Variants in PIK3C2G observed in about 807,000 individuals in gnomAD.
PIK3C2G encodes the protein phosphatidylinositol 3-kinase C2 domain-containing subunit gamma.
PIK3C2G carries 168 observed loss-of-function variants against 181.1 expected under a neutral mutation model. The ratio of observed to expected loss-of-function variants is 0.93; its 90% CI spans 0.82 to 1.05. The LOEUF (loss-of-function observed/expected upper bound fraction) is 1.05, where lower values mean the gene tolerates loss of function less well. Ranked by LOEUF, PIK3C2G falls within the 50% of genes least tolerant of loss-of-function variation. The pLI is 0.00. For missense variants in PIK3C2G, 1,869 were observed against 1,732.8 expected (o/e 1.08, Z -1.40); for synonymous variants, 573 against 592.2 (o/e 0.97, Z 0.47).
At chr12:18,558,396 C>T (rs532013875) in intron 26 of PIK3C2G, among the ~76,000 whole-genome samples, 7 of 152,252 alleles carry the variant, frequency 4.6e-5, no homozygotes, top group East Asian at 3.9e-4. Flanking sequence ...TTTTGGATCA[C>T]TTACTATGTA....
intron 15 of PIK3C2G, among the ~76,000 whole-genome samples, chr12:18,392,262 G>A (rs1943583456): frequency 6.6e-6 from 1 of 152,078 alleles, no homozygotes; most frequent in Non-Finnish European, 1.5e-5. Flanking sequence ...AGTCAATAGA[G>A]AGTCCAAATC....
At chr12:18,324,625 T>C (rs979791144) in intron 7 of PIK3C2G, among the ~76,000 whole-genome samples, 5 of 152,248 alleles carry the variant, frequency 3.3e-5, no homozygotes, top group Non-Finnish European at 7.3e-5. Flanking sequence ...CAACCCCATC[T>C]ATTATAAATA....
intron 19 of PIK3C2G, among the ~76,000 whole-genome samples, chr12:18,488,847 A>G (rs962555679): frequency 4.6e-5 from 7 of 152,066 alleles, no homozygotes; most frequent in Admixed American, 4.6e-4. Context: ...TAGCCATGTG[A>G]CACACAGAGA....
intron 18 of PIK3C2G, among the ~76,000 whole-genome samples, chr12:18,441,519 T>C (rs1946746247): frequency 6.6e-6 from 1 of 152,008 alleles, no homozygotes; most frequent in Non-Finnish European, 1.5e-5. Flanking sequence ...TGAGTAATGA[T>C]AGGGTGTGAT....
At chr12:18,335,385 C>G (rs779112329) in intron 8 of PIK3C2G, among the ~76,000 whole-genome samples, 9 of 152,150 alleles carry the variant, frequency 5.9e-5, no homozygotes, top group Non-Finnish European at 7.4e-5. Flanking sequence ...GAAATTCCCT[C>G]TAAATGTCTG....
At chr12:18,342,884 A>G (rs774955379) in intron 9 of PIK3C2G, among the ~76,000 whole-genome samples, 1 of 152,118 alleles carries the variant, frequency 6.6e-6, no homozygotes, top group Non-Finnish European at 1.5e-5. Context: ...AGAAGAAAAA[A>G]AGAAAGAAAA....
intron 18 of PIK3C2G, among the ~76,000 whole-genome samples, chr12:18,444,436 T>C (rs949047567): frequency 6.6e-6 from 1 of 152,194 alleles, no homozygotes; most frequent in Non-Finnish European, 1.5e-5. Flanking sequence ...TAAATACTTA[T>C]CAGTATTTTT....
the PIK3C2G span, among the ~76,000 whole-genome samples, chr12:18,702,768 T>C: frequency 1.3e-5 from 2 of 151,892 alleles, no homozygotes. Flanking sequence ...TTAACAAGTC[T>C]CTAGGCAATT....
At chr12:18,480,323 C>A (rs1048367835) in intron 18 of PIK3C2G, among the ~76,000 whole-genome samples, 2 of 152,156 alleles carry the variant, frequency 1.3e-5, no homozygotes, top group African/African-American at 4.8e-5. Flanking sequence ...AAATAACTTA[C>A]ACTAAAGCAG....
intron 26 of PIK3C2G, among the ~76,000 whole-genome samples, chr12:18,561,368 A>T (rs1945333899): frequency 6.6e-6 from 1 of 152,302 alleles, no homozygotes; most frequent in Non-Finnish European, 1.5e-5. Context: ...AACCCTAGCT[A>T]CTCAGGAAGC....
intron 30 of PIK3C2G, among the ~76,000 whole-genome samples, chr12:18,607,832 T>C (rs1948116480): frequency 6.6e-6 from 1 of 151,880 alleles, no homozygotes; most frequent in African/African-American, 2.4e-5. Context: ...GAATCTACAA[T>C]GAACTCAAAC....
intron 29 of PIK3C2G, among the ~76,000 whole-genome samples, chr12:18,567,459 G>A (rs1052392280): frequency 2.6e-5 from 4 of 152,016 alleles, no homozygotes; most frequent in Non-Finnish European, 4.4e-5. Context: ...GAATATGTAT[G>A]CCTAATTTGT....
At chr12:18,695,063 C>G in the PIK3C2G span, 5 of 1,612,888 alleles carry the variant, frequency 3.1e-6, no homozygotes, top group Non-Finnish European at 4.2e-6. Context: ...GACCAGGGGT[C>G]TGGAAATTTA....
chr12:18,650,720 A>ATC (rs1565602718), downstream of PIK3C2G, among the ~76,000 whole-genome samples: 36 of 10,586 alleles, frequency 3.4e-3, no homozygotes, highest in East Asian at 0.013. Flanking sequence ...ATCTATATAT[A>ATC]TATATATATA....
chr12:18,685,845 C>T, the PIK3C2G span, among the ~76,000 whole-genome samples: 2 of 34,604 alleles, frequency 5.8e-5, no homozygotes, highest in African/African-American at 1.1e-4. Flanking sequence ...CACACACACG[C>T]GCACACACAC....
the PIK3C2G span, among the ~76,000 whole-genome samples, chr12:18,661,441 G>A: frequency 3.4e-4 from 51 of 152,174 alleles, no homozygotes; most frequent in Middle Eastern, 3.4e-3. Context: ...AGGCCTTTTC[G>A]TAGGATTATA....
intron 16 of PIK3C2G, among the ~76,000 whole-genome samples, chr12:18,403,534 A>C (rs35013626): frequency 7.9e-4 from 121 of 152,268 alleles, no homozygotes; most frequent in African/African-American, 1.7e-3. Context: ...TGAGAGATCT[A>C]TATTTTTCCT....
chr12:18,680,662 C>G, the PIK3C2G span, among the ~76,000 whole-genome samples: 1 of 151,998 alleles, frequency 6.6e-6, no homozygotes, highest in African/African-American at 2.4e-5. Context: ...TGGAAGAAGT[C>G]AGAATTTGTC....
intron 29 of PIK3C2G, among the ~76,000 whole-genome samples, chr12:18,578,651 T>A (rs1158077595): frequency 6.6e-6 from 1 of 152,206 alleles, no homozygotes; most frequent in East Asian, 1.9e-4. Context: ...CAAATCATGT[T>A]ATTTTCAGAT....
Sources: gnomAD v4.1 joint callset for allele counts (sites outside exome capture counted in the v4.1 genomes callset) on GRCh38, gnomAD v4.1.1 for gene constraint, MANE v1.5 for transcripts, NCBI Gene and HGNC (gene_info 2026-07-23, HGNC 2026-07-21) for gene names.